HIF3A: variants seen among roughly 807,000 people sequenced by gnomAD.
HIF3A encodes the protein hypoxia inducible factor 3 subunit alpha.
A neutral mutation model predicts 67.2 loss-of-function variants in HIF3A; 41 were observed. That is an observed-to-expected ratio of 0.61 (90% CI 0.48 to 0.79). HIF3A has a LOEUF of 0.79. Ranked by LOEUF, HIF3A falls within the 30% of genes least tolerant of loss-of-function variation. HIF3A has a pLI of 0.00. For synonymous variants in HIF3A, 356 were observed against 374.8 expected (o/e 0.95, Z 0.58); for missense variants, 855 against 898.0 (o/e 0.95, Z 0.61).
intron 13 of HIF3A, among the ~76,000 whole-genome samples, chr19:46,332,518 T>G (rs562340145): frequency 6.6e-6 from 1 of 152,186 alleles, no homozygotes; most frequent in East Asian, 1.9e-4. Flanking sequence ...CCGGCCTAGA[T>G]GACAGCACAA....
chr19:46,317,146 C>G (rs1178998674), intron 8 of HIF3A, among the ~76,000 whole-genome samples: 1 of 151,950 alleles, frequency 6.6e-6, no homozygotes, highest in Admixed American at 6.6e-5. Flanking sequence ...GTCTTAAACT[C>G]CTGAGTTCAA....
chr19:46,320,136 A>G, intron 8 of HIF3A: 1 of 233,610 alleles, frequency 4.3e-6, no homozygotes, highest in Non-Finnish European at 8.3e-6. Flanking sequence ...AGGCTGAGGC[A>G]GGAGAATCGC....
At position 46,312,559 on chromosome 19, in the gene HIF3A, G is replaced by A; in HGVS notation, c.931G>A (p.Gly311Ser). ...GCAGTATCGCTTCCTGGCCCGGAGT[G>A]GTGGCTACCTGTGGACCCAGACCCA... Reference protein sequence around the residue: ...TGQYRFLARSGGYLWTQTQAT... With the variant: ...TGQYRFLARSSGYLWTQTQAT... Residue 311 changes from glycine (G) to serine (S), a missense_variant, in exon 8 of 15, where the codon GGT becomes AGT. Physicochemically the swap from Gly to Ser is moderately conservative, Grantham distance 56. Transcript: ENST00000377670. The A allele has an allele frequency of 6.2e-7, 1 of 1,613,500 alleles. No homozygotes were observed. Among genetic ancestry groups the A allele is most frequent in the Non-Finnish European group, 8.5e-7 (1 of 1,179,788 alleles).
intron 6 of HIF3A, 27 bp from the exon 7 acceptor site, chr19:46,312,134 C>T: frequency 6.3e-7 from 1 of 1,577,770 alleles, no homozygotes; most frequent in Non-Finnish European, 8.7e-7. Context: ...AGCATCCTGA[C>T]CAGACCCCAC....
At chr19:46,304,541 C>T (rs1968658422) in intron 2 of HIF3A, among the ~76,000 whole-genome samples, 1 of 152,024 alleles carries the variant, frequency 6.6e-6, no homozygotes, top group Non-Finnish European at 1.5e-5. Flanking sequence ...TCTAGTTCTA[C>T]ATCACTTGTT....
chr19:46,312,262 A>G lies in HIF3A; in HGVS notation c.872A>G (p.His291Arg). The change falls in exon 7 of 15, where the codon CAC (histidine) becomes CGC (arginine). Residue 291 changes from histidine (H) to arginine (R), a missense_variant. Coordinates refer to ENST00000377670, the MANE Select transcript of HIF3A (RefSeq NM_152795.4). ...LDSDAVSKSI[H>R]TLLSKGQAVT... Reference sequence around the variant, plus strand: ...TCCGATGCGGTCAGCAAGAGCATCCACACCTGTATGTATCCCATTTCCCCA... The same window carrying G: ...TCCGATGCGGTCAGCAAGAGCATCCGCACCTGTATGTATCCCATTTCCCCA... 2.5e-6 allele frequency: 4 copies of G among 1,613,834 alleles called. No individual in the cohort carries two copies. The highest frequency in any genetic ancestry group is 3.4e-6 in the Non-Finnish European group (4 of 1,179,928).
intron 1 of HIF3A, chr19:46,298,566 C>T: frequency 8.3e-7 from 1 of 1,204,590 alleles, no homozygotes; most frequent in Non-Finnish European, 1.1e-6. Context: ...CTAGCTGGGG[C>T]TGGCTGCCAT....
At position 46,335,023 on chromosome 19, in the gene HIF3A, C is replaced by T. The variant is rs370621029; in HGVS notation, c.1912+37C>T. ...CCTGGGTATCCAGAGCCCCAGAGCA[C>T]CTTCTCCCCCGGGAGGTGCGAGAGG... On this transcript the variant is annotated intron_variant, in intron 14 of 14. Transcript: ENST00000377670. 3 of 1,550,370 alleles carry T rather than the reference C, an allele frequency of 1.9e-6. No homozygotes were observed. In the African/African-American group the frequency reaches 4.1e-5, roughly 21 times the overall value.
chr19:46,315,023 A>C (rs1969802313), intron 8 of HIF3A, among the ~76,000 whole-genome samples: 1 of 146,708 alleles, frequency 6.8e-6, no homozygotes, highest in Non-Finnish European at 1.5e-5. Context: ...GCTCTTACTT[A>C]GCTTGATATA....
At chr19:46,320,245 T>C (rs1970259370) in intron 8 of HIF3A, 198 bp from the exon 9 acceptor site, 3 of 529,608 alleles carry the variant, frequency 5.7e-6, no homozygotes, top group Non-Finnish European at 1.0e-5. Context: ...AATAAAATGC[T>C]GTCAGAATAA....
At chr19:46,304,904 AGGCCCT>A in intron 2 of HIF3A, 1 of 386,244 alleles carries the variant, frequency 2.6e-6, no homozygotes, top group Non-Finnish European at 4.9e-6. Flanking sequence ...AATTCCCCTT[AGGCCCT>A]GGCCCCTTCA....
chr19:46,325,476 T>C, intron 10 of HIF3A, 59 bp from the exon 11 acceptor site: 1 of 1,231,010 alleles, frequency 8.1e-7, no homozygotes, highest in East Asian at 2.3e-5. Context: ...CAGACTGTCT[T>C]AATGTTGATA....
At chr19:46,312,832 T>G (rs1018696794) in intron 8 of HIF3A, 179 bp downstream of exon 8, 6 of 1,307,440 alleles carry the variant, frequency 4.6e-6, no homozygotes, top group Non-Finnish European at 5.8e-6. Flanking sequence ...TAAATGCCGG[T>G]GTGTGTGTCT....
intron 4 of HIF3A, 40 bp downstream of exon 4, chr19:46,308,345 A>C: frequency 7.9e-7 from 1 of 1,261,674 alleles, no homozygotes; most frequent in Non-Finnish European, 1.1e-6. Context: ...CATACAGAGG[A>C]GGAAGCTGAG....
rs1969810747 is a variant in HIF3A at position 46,315,116 on chromosome 19, G to A, written c.1025+2463G>A. On this transcript the variant is annotated intron_variant, in intron 8 of 14. Transcript: ENST00000377670. ...GACAGAGTCTCATTCTGTTGCCCAG[G>A]AGTGCACTGGTGCAATCTCGGCTCA... Among the ~76,000 whole-genome samples the A allele has an allele frequency of 1.4e-5, 2 of 145,406 alleles. 1 individual carries two copies. The highest frequency in any genetic ancestry group is 3.0e-5 in the Non-Finnish European group (2 of 66,650).
chr19:46,306,799 C>T (rs1968891678), intron 3 of HIF3A, among the ~76,000 whole-genome samples: 1 of 152,156 alleles, frequency 6.6e-6, no homozygotes, highest in African/African-American at 2.4e-5. Context: ...GTGGCACAGC[C>T]AGGATTTGAC....
In HIF3A at chr19:46,297,175, TG is replaced by T. The variant is rs534395516; in HGVS notation, c.26+81del. Reference sequence around the variant, plus strand: ...CCTGGAGACCCCTGAGCTGGATTGTTGGGGGGGGTGGGGTTCGCGGGTGCGA... The same window carrying T: ...CCTGGAGACCCCTGAGCTGGATTGTTGGGGGGGTGGGGTTCGCGGGTGCGA... On this transcript the variant is annotated intron_variant, in intron 1 of 14. Coordinates refer to ENST00000377670, the MANE Select transcript of HIF3A (RefSeq NM_152795.4). The surrounding 1 kb of genome is among the most constrained non-coding windows in gnomAD (Gnocchi z 4.5). 2,167 of 205,554 alleles carry T rather than the reference TG, an allele frequency of 0.011. 41 individuals are homozygous for T. Among genetic ancestry groups the T allele is most frequent in the Admixed American group, 0.057 (1,019 of 17,952 alleles). The allele number at this position is 205,554 out of a possible 1,614,324, so 12.7% of individuals were successfully genotyped here.
At chr19:46,302,381 C>T (rs1159640877) in intron 1 of HIF3A, among the ~76,000 whole-genome samples, 2 of 152,096 alleles carry the variant, frequency 1.3e-5, no homozygotes, top group South Asian at 2.1e-4. Flanking sequence ...CCGCCCGCCT[C>T]GGCCTCCCAA....
chr19:46,337,580 G>A (rs1468586811), intron 14 of HIF3A, among the ~76,000 whole-genome samples: 1 of 152,120 alleles, frequency 6.6e-6, no homozygotes, highest in Non-Finnish European at 1.5e-5. Flanking sequence ...GGAAAAGCAA[G>A]GCCAATGTAG....
Sources: gnomAD v4.1 joint callset for allele counts (sites outside exome capture counted in the v4.1 genomes callset) on GRCh38, gnomAD v4.1.1 for gene constraint, Gnocchi (gnomAD v3.1) non-coding constraint, MANE v1.5 for transcripts, NCBI Gene and HGNC (gene_info 2026-07-23, HGNC 2026-07-21) for gene names.